The following HDX variants were observed in gnomAD, a reference collection of about 807,000 sequenced individuals.
The protein encoded by HDX is highly divergent homeobox, also known as chromosome X open reading frame 43.
Under a neutral mutation model 45.2 loss-of-function variants are expected in HDX, and 19 were observed. The ratio of observed to expected loss-of-function variants is 0.42; its 90% confidence interval spans 0.29 to 0.62. The LOEUF (loss-of-function observed/expected upper bound fraction) is 0.62, where lower values mean the gene tolerates loss of function less well. Among genes scored for constraint, HDX ranks in the 20% least tolerant of loss-of-function variants. The pLI, the probability that HDX is intolerant of heterozygous loss-of-function variation, is 0.20. For synonymous variants in HDX, 188 were observed against 172.8 expected, an observed-to-expected ratio of 1.09 and a Z score of -0.69; for missense variants, 532 against 493.9, an observed-to-expected ratio of 1.08 and a Z score of -0.73.
At chrX:84,400,567 T>C (rs1431327247) in intron 5 of HDX, among the ~76,000 whole-genome samples, 6 of 110,495 alleles carry the variant, frequency 5.4e-5, no homozygotes, top group Admixed American at 2.9e-4. Context: ...CACAAACCAA[T>C]TGGAAAACAT....
intron 5 of HDX, among the ~76,000 whole-genome samples, chrX:84,425,135 T>A (rs2039355803): frequency 9.0e-6 from 1 of 110,856 alleles, no homozygotes; most frequent in Non-Finnish European, 1.9e-5. Context: ...AATCTAATAA[T>A]CTGAACAAAA....
intron 4 of HDX, among the ~76,000 whole-genome samples, chrX:84,453,288 T>C (rs1053605573): frequency 8.9e-6 from 1 of 112,100 alleles, no homozygotes; most frequent in Non-Finnish European, 1.9e-5. Flanking sequence ...GTACTTGGCT[T>C]TAACTTAATA....
At chrX:84,324,446 C>T (rs1038282515) in intron 10 of HDX, among the ~76,000 whole-genome samples, 9 of 110,792 alleles carry the variant, frequency 8.1e-5, no homozygotes, top group African/African-American at 2.6e-4. Flanking sequence ...ATTTTGTGAC[C>T]ATATTCTAAG....
chrX:84,336,688 G>A (rs755928905), intron 8 of HDX, 113 bp downstream of exon 8: 2 of 511,917 alleles, frequency 3.9e-6, no homozygotes, highest in South Asian at 6.5e-5. Flanking sequence ...GGTCTGTTTT[G>A]GTTTGTGAAG....
intron 5 of HDX, among the ~76,000 whole-genome samples, chrX:84,432,280 CTTAG>C (rs1411658022): frequency 9.0e-6 from 1 of 111,650 alleles, no homozygotes; most frequent in East Asian, 2.8e-4. Context: ...ATGCCTCTGG[CTTAG>C]TTATTTTTGC....
intron 5 of HDX, among the ~76,000 whole-genome samples, chrX:84,430,487 G>A (rs1039974293): frequency 9.0e-6 from 1 of 110,902 alleles, no homozygotes; most frequent in African/African-American, 3.3e-5. Flanking sequence ...ACATATTGGT[G>A]CAGATGTCTC....
chrX:84,384,178 C>T (rs1394432782), intron 5 of HDX, among the ~76,000 whole-genome samples: 2 of 111,361 alleles, frequency 1.8e-5, no homozygotes, highest in African/African-American at 6.5e-5. Context: ...AGTGTATAAG[C>T]ATTCTCTTTT....
At chrX:84,476,984 G>A (rs1366805065) in intron 2 of HDX, among the ~76,000 whole-genome samples, 1 of 112,115 alleles carries the variant, frequency 8.9e-6, no homozygotes, top group Non-Finnish European at 1.9e-5. Flanking sequence ...GTGCACTAAT[G>A]TGTAAGCCTA....
At chrX:84,410,207 TGA>T (rs1182430625) in intron 5 of HDX, among the ~76,000 whole-genome samples, 1 of 110,829 alleles carries the variant, frequency 9.0e-6, no homozygotes, top group Non-Finnish European at 1.9e-5. Context: ...ATAAGAGAGA[TGA>T]GAGAGATCAT....
At chrX:84,447,344 G>A (rs143364336) in intron 4 of HDX, among the ~76,000 whole-genome samples, 1,475 of 111,375 alleles carry the variant, frequency 0.013, 36 homozygotes, top group African/African-American at 0.047. Context: ...AAACACCTAA[G>A]GCAAGGAAGG....
intron 5 of HDX, among the ~76,000 whole-genome samples, chrX:84,363,788 A>C (rs1028301622): frequency 8.9e-6 from 1 of 112,203 alleles, no homozygotes; most frequent in Admixed American, 9.4e-5. Flanking sequence ...GGAAGCTTGA[A>C]GTTGAAGTCA....
At chrX:84,430,099 A>G (rs775369423) in intron 5 of HDX, among the ~76,000 whole-genome samples, 1 of 110,751 alleles carries the variant, frequency 9.0e-6, no homozygotes, top group South Asian at 3.8e-4. Flanking sequence ...CTACAGTGGT[A>G]TAGAACACTA....
intron 5 of HDX, among the ~76,000 whole-genome samples, chrX:84,418,452 G>A (rs189859520): frequency 2.6e-4 from 29 of 111,194 alleles, no homozygotes; most frequent in African/African-American, 9.5e-4. Context: ...TGTATTAGGG[G>A]GGTACAAAAG....
rs1299904526 is a variant in HDX, at chrX:84,497,558, C to T, written c.-110+4784G>A. On this transcript the variant is annotated intron_variant, in intron 1 of 10. Coordinates refer to ENST00000373177, the MANE Select transcript of HDX (RefSeq NM_001177479.2). The stretch of plus-strand genomic sequence containing the variant: ...CCATTGGAGGTCAGCACAATGAGCC[C>T]TTTCCCCTTAACTTCAGCCTTTATT... 3.6e-5 allele frequency among the ~76,000 whole-genome samples: 4 copies of T among 110,682 alleles called. No homozygotes were observed. The South Asian group carries it at 1.5e-3, about 42-fold the overall frequency.
chrX:84,473,289 T>C (rs2040485834), intron 3 of HDX, among the ~76,000 whole-genome samples: 1 of 96,671 alleles, frequency 1.0e-5, no homozygotes, highest in Non-Finnish European at 2.0e-5. Flanking sequence ...GAATACTATC[T>C]TAGTAAAAAT....
rs762083251 is a variant in HDX at position 84,469,389 on chromosome X, T to G, written c.334A>C (p.Ser112Arg). The part of the protein sequence containing the change: ...NNDVIVTGIY[S>R]PASSSSRQGT... ...TGCCTACTTGATGAACTGGCTGGAC[T>G]GTATATACCAGTTACAATGACATCA... The change falls in exon 4 of 11, where the codon AGT becomes CGT. Residue 112 changes from serine to arginine, a missense_variant. By Grantham distance (110) the Ser-to-Arg change is moderately radical. Around this residue, in one of 3 missense-constraint regions of HDX, gnomAD observed 376 missense variants for 343.7 expected, o/e 1.09. Coordinates refer to ENST00000373177, the MANE Select transcript of HDX (RefSeq NM_001177479.2). 29 of 1,206,914 alleles carry G rather than the reference T, an allele frequency of 2.4e-5. No individual in the cohort carries two copies. Among genetic ancestry groups the G allele is most frequent in the Non-Finnish European group, 3.2e-5 (29 of 893,104 alleles).
intron 6 of HDX, among the ~76,000 whole-genome samples, chrX:84,348,487 C>G (rs759372287): frequency 1.8e-5 from 2 of 111,793 alleles, no homozygotes; most frequent in Admixed American, 9.5e-5. Context: ...CTTGCTCTGT[C>G]TCTTCAAATT....
chrX:84,323,334 C>T (rs2036639939), intron 10 of HDX, among the ~76,000 whole-genome samples: 1 of 110,937 alleles, frequency 9.0e-6, no homozygotes, highest in African/African-American at 3.3e-5. Context: ...AGTGTTTTAC[C>T]ACTAACCCAG....
In HDX at chrX:84,469,338, G is replaced by T. The variant is rs2040413628; in HGVS notation, c.385C>A (p.Gln129Lys). Residue 129 changes from glutamine to lysine, a missense_variant, in exon 4 of 11, where the codon CAA becomes AAA. Gln to Lys is a moderately conservative substitution (Grantham distance 53). Coordinates refer to ENST00000373177, the MANE Select transcript of HDX (RefSeq NM_001177479.2). ...GGGATTTTATGTGCTTCTGTAATTT[G>T]TGTGTCTGTATGTTTGTTTGTTCCT... The part of the protein sequence containing the change: ...RQGTNKHTDT[Q>K]ITEAHKIPIQ... 8.3e-7 allele frequency: 1 copy of T among 1,211,084 alleles called. No individual in the cohort carries two copies. Among genetic ancestry groups the T allele is most frequent in the Non-Finnish European group, 1.1e-6 (1 of 895,185 alleles).
Sources: allele counts gnomAD v4.1 joint callset (sites outside exome capture counted in the v4.1 genomes callset), GRCh38; gene constraint gnomAD v4.1.1; regional missense constraint gnomAD v4.1.1; transcripts MANE v1.5; gene names NCBI Gene and HGNC (gene_info 2026-07-23, HGNC 2026-07-21).